TRMT13: variants seen among roughly 807,000 people sequenced by gnomAD.
TRMT13 encodes the protein tRNA:m(4)X modification enzyme TRM13 homolog.
TRMT13 carries 45 observed loss-of-function variants against 55.9 expected under a neutral mutation model. The observed-to-expected ratio is 0.80, with a 90% CI of 0.63 to 1.03. The LOEUF is 1.03. Among genes scored for constraint, TRMT13 ranks in the 50% least tolerant of loss-of-function variants. The pLI is 0.00. For synonymous variants in TRMT13, 183 were observed against 196.3 expected, an observed-to-expected ratio of 0.93 and a Z score of 0.57; for missense variants, 513 against 563.9, an observed-to-expected ratio of 0.91 and a Z score of 0.91.
At position 100,149,225 on chromosome 1, in the gene TRMT13, G is replaced by T; in HGVS notation, c.*405G>T. On this transcript the variant is annotated 3_prime_UTR_variant, in exon 11 of 11. Coordinates refer to ENST00000370141, the MANE Select transcript of TRMT13 (RefSeq NM_019083.3). Reference sequence around the variant, plus strand: ...TAAGTTCAAGAGGTAGTGATTGATTGTAACAAGGGCCAATCTGAGAATTTG... The same window carrying T: ...TAAGTTCAAGAGGTAGTGATTGATTTTAACAAGGGCCAATCTGAGAATTTG... 1 of 1,492,140 alleles carries T rather than the reference G, an allele frequency of 6.7e-7. No homozygotes were observed. The highest frequency in any genetic ancestry group is 1.4e-5 in the South Asian group (1 of 72,050). 92.4% of individuals were successfully genotyped at this position (1,492,140 alleles called of 1,614,324 possible).
At chr1:100,137,678 A>G (rs72971897) in intron 3 of TRMT13, among the ~76,000 whole-genome samples, 6,281 of 152,232 alleles carry the variant, frequency 0.041, 321 homozygotes, top group African/African-American at 0.12. Flanking sequence ...AGTCTGGGAA[A>G]AAAGATAATC....
intron 10 of TRMT13, 115 bp downstream of exon 10, chr1:100,148,441 A>C: frequency 3.4e-6 from 4 of 1,173,432 alleles, no homozygotes; most frequent in South Asian, 1.5e-5. Flanking sequence ...CTAATTTTAG[A>C]ATAAGCTAAA....
chr1:100,144,028 A>G (rs1484985125), intron 8 of TRMT13, 41 bp from the exon 9 acceptor site: 1 of 1,514,452 alleles, frequency 6.6e-7, no homozygotes, highest in African/African-American at 1.4e-5. Context: ...ATTAATATGT[A>G]CTTTATTTCA....
chr1:100,138,339 G>A (rs572199141), intron 3 of TRMT13, among the ~76,000 whole-genome samples: 5 of 152,300 alleles, frequency 3.3e-5, no homozygotes, highest in Admixed American at 3.3e-4. Flanking sequence ...TACAACGTAA[G>A]TTACCTGGAG....
chr1:100,138,748 A>G (rs1358941442), intron 3 of TRMT13, among the ~76,000 whole-genome samples: 2 of 152,262 alleles, frequency 1.3e-5, no homozygotes, highest in African/African-American at 2.4e-5. Flanking sequence ...CACTAGCCAC[A>G]TATGACTATT....
At chr1:100,142,937 C>G (rs1405288379) in intron 7 of TRMT13, 200 bp from the exon 8 acceptor site, 6 of 534,570 alleles carry the variant, frequency 1.1e-5, no homozygotes, top group Admixed American at 1.0e-4. Flanking sequence ...GAAATAATGT[C>G]TATGTAATAA....
chr1:100,140,261 C>T lies in TRMT13; in HGVS notation c.394+10C>T, dbSNP rs374711975. On this transcript the variant is annotated intron_variant, in intron 5 of 10. Transcript: ENST00000370141. ...AGAAAAGCAAGTGAAGGTAAGACTGCCTAAAGTTGCAAGTTCAATTATTTT... is the reference window on the plus strand; with the variant it reads ...AGAAAAGCAAGTGAAGGTAAGACTGTCTAAAGTTGCAAGTTCAATTATTTT... The T allele has an allele frequency of 6.2e-7, 1 of 1,609,642 alleles. No homozygotes were observed. Among genetic ancestry groups the T allele is most frequent in the Admixed American group, 1.7e-5 (1 of 59,418 alleles).
chr1:100,133,328 C>T lies in TRMT13; in HGVS notation c.147+13C>T, dbSNP rs1182406491. The T allele has an allele frequency of 2.5e-6, 4 of 1,613,186 alleles. No homozygotes were observed. The highest frequency in any genetic ancestry group is 2.2e-5 in the South Asian group (2 of 91,000). On this transcript the variant is annotated intron_variant, in intron 1 of 10. Coordinates refer to ENST00000370141, the MANE Select transcript of TRMT13 (RefSeq NM_019083.3). Reference sequence around the variant, plus strand: ...TGGAGCCGCGGAGGTGTGGTATCGCCCTACTCTCTCAAGAGTCGGAAATAA... The same window carrying T: ...TGGAGCCGCGGAGGTGTGGTATCGCTCTACTCTCTCAAGAGTCGGAAATAA...
chr1:100,133,986 C>T (rs971069285), intron 1 of TRMT13, among the ~76,000 whole-genome samples: 3 of 152,004 alleles, frequency 2.0e-5, no homozygotes, highest in Non-Finnish European at 2.9e-5. Flanking sequence ...GCAGGAGAAT[C>T]GCTTGAACCC....
chr1:100,149,378 A>G lies in TRMT13; in HGVS notation c.*558A>G, dbSNP rs375549704. On this transcript the variant is annotated 3_prime_UTR_variant, in exon 11 of 11. Coordinates refer to ENST00000370141, the MANE Select transcript of TRMT13 (RefSeq NM_019083.3). ...TTAATGAAGTCACCTTCAAATTTCC[A>G]GAGCCATACATGTATATATTGTCAG... 8.4e-6 allele frequency: 13 copies of G among 1,544,880 alleles called. No individual in the cohort carries two copies. In the African/African-American group the frequency reaches 1.2e-4, roughly 15 times the overall value.
Position 100,149,949 on chromosome 1 carries a change from A to G in TRMT13, c.*1129A>G, listed in dbSNP as rs1010512221. ...TGATTTGTAAATAAGAAGCCTAACC[A>G]ATTTAAAATTCCTGACTTTAGTCTC... On this transcript the variant is annotated 3_prime_UTR_variant, in exon 11 of 11. Coordinates refer to ENST00000370141, the MANE Select transcript of TRMT13 (RefSeq NM_019083.3). 2 of 152,528 alleles carry G rather than the reference A, an allele frequency of 1.3e-5. No homozygotes were observed. Among genetic ancestry groups the G allele is most frequent in the African/African-American group, 2.4e-5 (1 of 41,458 alleles). The allele number at this position is 152,528 out of a possible 1,614,324, so 9.4% of individuals were successfully genotyped here. A position where few individuals can be genotyped will look rare whatever the true frequency, so the allele number is the denominator to read the frequency against.
At chr1:100,143,949 A>G in intron 8 of TRMT13, 120 bp from the exon 9 acceptor site, 1 of 761,064 alleles carries the variant, frequency 1.3e-6, no homozygotes, top group Non-Finnish European at 2.2e-6. Context: ...TAAAGTGATA[A>G]TTTTTGTTTG....
intron 9 of TRMT13, among the ~76,000 whole-genome samples, chr1:100,146,739 C>T (rs1339664247): frequency 2.0e-5 from 3 of 152,286 alleles, no homozygotes; most frequent in East Asian, 1.9e-4. Context: ...CTCCTGACCT[C>T]GTGATCTGCC....
Position 100,148,640 on chromosome 1 carries a change from A to G in TRMT13, c.1266A>G (p.Glu422=), listed in dbSNP as rs1357154458. The change falls in exon 11 of 11, where the codon GAA becomes GAG. Residue 422 remains glutamate (E), a synonymous_variant. Coordinates refer to ENST00000370141, the MANE Select transcript of TRMT13 (RefSeq NM_019083.3). The part of the protein sequence containing the change: ...ADCLPGLLSV[E]EKKKIGHLCK... ...TTCAATTTAGGCTTCTTAGTGTTGA[A>G]GAAAAGAAGAAAATAGGGCATCTTT... 1 of 1,607,926 alleles carries G rather than the reference A, an allele frequency of 6.2e-7. No individual in the cohort carries two copies. Among genetic ancestry groups the G allele is most frequent in the Non-Finnish European group, 8.5e-7 (1 of 1,178,580 alleles).
intron 10 of TRMT13, 22 bp downstream of exon 10, chr1:100,148,348 G>T: frequency 6.3e-7 from 1 of 1,594,142 alleles, no homozygotes; most frequent in Non-Finnish European, 8.6e-7. Flanking sequence ...CTTTTGTAAT[G>T]CATGATACTA....
intron 9 of TRMT13, among the ~76,000 whole-genome samples, chr1:100,147,151 A>G (rs1212082780): frequency 6.6e-6 from 1 of 152,208 alleles, no homozygotes; most frequent in Non-Finnish European, 1.5e-5. Context: ...TCAACAGTGT[A>G]GGAGTTTTCG....
chr1:100,134,697 G>A (rs1193200183), intron 1 of TRMT13, among the ~76,000 whole-genome samples: 1 of 152,200 alleles, frequency 6.6e-6, no homozygotes, highest in Non-Finnish European at 1.5e-5. Context: ...TATGATAGGA[G>A]AAGGATTTAG....
chr1:100,136,981 A>G (rs375354665), intron 2 of TRMT13, 38 bp from the exon 3 acceptor site: 6 of 1,603,350 alleles, frequency 3.7e-6, no homozygotes, highest in Non-Finnish European at 5.1e-6. Context: ...AGTAATTGGC[A>G]CAAGTCTCAT....
At chr1:100,144,549 A>G (rs1011795212) in intron 9 of TRMT13, 1 of 153,356 alleles carries the variant, frequency 6.5e-6, no homozygotes, top group African/African-American at 2.4e-5. Context: ...GGGGAAAAAG[A>G]AAAAAATAAA....
Sources: gnomAD v4.1 joint callset for allele counts (sites outside exome capture counted in the v4.1 genomes callset) on GRCh38, gnomAD v4.1.1 for gene constraint, MANE v1.5 for transcripts, NCBI Gene and HGNC (gene_info 2026-07-23, HGNC 2026-07-21) for gene names.